Variants in ATP8B1 observed in about 807,000 individuals in gnomAD.
ATP8B1 encodes the protein phospholipid-transporting ATPase IC.
In ATP8B1, 80 loss-of-function variants were observed where a neutral mutation model predicts 149.9. The ratio of observed to expected loss-of-function variants is 0.53; its 90% CI spans 0.45 to 0.64. ATP8B1 has a LOEUF of 0.64. ATP8B1 is among the 30% of genes least tolerant of loss of function. The pLI is 0.00. For missense variants in ATP8B1, 1,247 were observed against 1,552.6 expected (o/e 0.80, Z 3.31); for synonymous variants, 536 against 562.8 (o/e 0.95, Z 0.67).
chr18:57,679,090 G>C (rs1215081916), intron 15 of ATP8B1, among the ~76,000 whole-genome samples: 5 of 150,550 alleles, frequency 3.3e-5, no homozygotes, highest in Admixed American at 6.6e-5. Context: ...AATTAGCCAG[G>C]CATGGTGGCG....
rs36027330 is a variant in ATP8B1 at position 57,708,157 on chromosome 18, C to CAAAAA, written c.182-1575_182-1571dup. Reference sequence around the variant, plus strand: ...TGGGCGACAGACGGAAACTCTGTCTCAAAAAAAAAAAAAAAAAAAAAAAGT... The same window carrying CAAAAA: ...TGGGCGACAGACGGAAACTCTGTCTCAAAAAAAAAAAAAAAAAAAAAAAAAAAAGT... On this transcript the variant is annotated intron_variant, in intron 2 of 27. Transcript: ENST00000648908. Among the ~76,000 whole-genome samples the CAAAAA allele has an allele frequency of 1.7e-3, 112 of 67,022 alleles. 1 individual carries two copies. Among genetic ancestry groups the CAAAAA allele is most frequent in the Non-Finnish European group, 2.5e-3 (87 of 35,440 alleles). The allele number at this position is 67,022 out of a possible 152,430, so 44.0% of individuals were successfully genotyped here.
chr18:57,714,049 G>T (rs140328265), intron 2 of ATP8B1, among the ~76,000 whole-genome samples: 42 of 152,226 alleles, frequency 2.8e-4, no homozygotes, highest in African/African-American at 1.0e-3. Flanking sequence ...CTTTTTGCCA[G>T]AGGGGAGCTC....
chr18:57,704,971 A>C (rs1913316797), intron 3 of ATP8B1, among the ~76,000 whole-genome samples: 1 of 152,116 alleles, frequency 6.6e-6, no homozygotes, highest in East Asian at 1.9e-4. Flanking sequence ...GTAATCCCAG[A>C]TACTTGGGAG....
intron 1 of ATP8B1, among the ~76,000 whole-genome samples, chr18:57,780,843 C>G (rs116953813): frequency 3.3e-5 from 5 of 152,316 alleles, no homozygotes; most frequent in Admixed American, 6.5e-5. Flanking sequence ...TGCCCCTCGT[C>G]CTGACATAAC....
chr18:57,695,849 A>G (rs959092873), intron 8 of ATP8B1, among the ~76,000 whole-genome samples: 2 of 152,228 alleles, frequency 1.3e-5, no homozygotes, highest in Non-Finnish European at 2.9e-5. Context: ...GTGCTGTTTG[A>G]AAATGTAGTG....
chr18:57,736,453 G>GTTTTTTTTTTTTTTTTTTTTTTTTTTTTT lies in ATP8B1; in HGVS notation c.-25-4622_-25-4621insAAAAAAAAAAAAAAAAAAAAAAAAAAAAA, dbSNP rs71171079. Among the ~76,000 whole-genome samples, 4 of 70,142 alleles carry GTTTTTTTTTTTTTTTTTTTTTTTTTTTTT rather than the reference G, an allele frequency of 5.7e-5. 2 individuals are homozygous for GTTTTTTTTTTTTTTTTTTTTTTTTTTTTT. Among genetic ancestry groups the GTTTTTTTTTTTTTTTTTTTTTTTTTTTTT allele is most frequent in the Non-Finnish European group, 5.3e-5 (2 of 37,394 alleles). 46.0% of individuals were successfully genotyped at this position (70,142 alleles called of 152,430 possible). A position where few individuals can be genotyped will look rare whatever the true frequency, so the allele number is the denominator to read the frequency against. ...TTTCTTCTAGTATAAAGTTTTACTA[G>GTTTTTTTTTTTTTTTTTTTTTTTTTTTTT]TTTTTTTTTTTTTTTTTTTTTTTTG... On this transcript the variant is annotated intron_variant, in intron 1 of 27. Transcript: ENST00000648908.
intron 20 of ATP8B1, among the ~76,000 whole-genome samples, chr18:57,664,457 G>T (rs1237490289): frequency 2.3e-5 from 3 of 131,224 alleles, no homozygotes; most frequent in East Asian, 2.3e-4. Flanking sequence ...AATGAGCCAA[G>T]ATTGCACCAC....
chr18:57,721,550 T>C (rs2123074076), intron 2 of ATP8B1, among the ~76,000 whole-genome samples: 1 of 152,190 alleles, frequency 6.6e-6, no homozygotes, highest in African/African-American at 2.4e-5. Flanking sequence ...GAGCTAACTC[T>C]CCTAAATATA....
intron 19 of ATP8B1, chr18:57,667,603 T>C (rs537497426): frequency 9.9e-6 from 2 of 201,272 alleles, no homozygotes; most frequent in East Asian, 2.4e-4. Context: ...CAAGTGAAAG[T>C]CAAAGTCTAA....
intron 26 of ATP8B1, among the ~76,000 whole-genome samples, chr18:57,651,492 G>A (rs977192627): frequency 6.6e-6 from 1 of 152,066 alleles, no homozygotes; most frequent in African/African-American, 2.4e-5. Context: ...CACGTACAGC[G>A]CTATTGTAAA....
rs137973298 is a variant in ATP8B1 at position 57,731,658 on chromosome 18, T to C, written c.150A>G (p.Glu50=). 2.3e-3 allele frequency: 3,634 copies of C among 1,614,094 alleles called. 8 individuals carry two copies. The highest frequency in any genetic ancestry group is 2.8e-3 in the Non-Finnish European group (3,351 of 1,180,012). Residue 50 remains glutamate, a synonymous_variant, in exon 2 of 28, where the codon GAA becomes GAG. Coordinates refer to ENST00000648908, the MANE Select transcript of ATP8B1 (RefSeq NM_001374385.1). The part of the protein sequence containing the change: ...VEPEQNRVNR[E]AEENREPFRK... ...TGAATGGCTCCCGGTTCTCCTCTGC[T>C]TCCCTGTTGACTCGGTTTTGTTCTG...
At chr18:57,703,845 A>C (rs1461741139) in intron 4 of ATP8B1, among the ~76,000 whole-genome samples, 2 of 152,208 alleles carry the variant, frequency 1.3e-5, no homozygotes, top group Non-Finnish European at 2.9e-5. Flanking sequence ...TTATGACCAA[A>C]ATTTTAATAA....
At chr18:57,719,258 C>T (rs1384486628) in intron 2 of ATP8B1, among the ~76,000 whole-genome samples, 1 of 152,172 alleles carries the variant, frequency 6.6e-6, no homozygotes, top group African/African-American at 2.4e-5. Flanking sequence ...TGGGAGGAGC[C>T]AAGATGGCCG....
chr18:57,661,619 ATGTGTGCG>A (rs1160903476), intron 21 of ATP8B1, among the ~76,000 whole-genome samples, 157 bp from the exon 22 acceptor site: 2 of 146,458 alleles, frequency 1.4e-5, no homozygotes, highest in East Asian at 2.1e-4. Flanking sequence ...ATGTATATAT[ATGTGTGCG>A]TGTGTATGTA....
chr18:57,771,541 A>C (rs2080263317), intron 1 of ATP8B1, among the ~76,000 whole-genome samples: 1 of 152,172 alleles, frequency 6.6e-6, no homozygotes, highest in Non-Finnish European at 1.5e-5. Context: ...GACAAGTTAC[A>C]TTTGGACATC....
intron 8 of ATP8B1, among the ~76,000 whole-genome samples, chr18:57,697,255 T>A (rs571392143): frequency 1.4e-3 from 210 of 152,204 alleles, no homozygotes; most frequent in Non-Finnish European, 2.4e-3. Flanking sequence ...AGAGTGAGAC[T>A]CTGTCTCAAA....
At chr18:57,661,965 G>A (rs943530410) in intron 21 of ATP8B1, among the ~76,000 whole-genome samples, 2 of 151,952 alleles carry the variant, frequency 1.3e-5, no homozygotes, top group African/African-American at 2.4e-5. Flanking sequence ...TGATCTGCCC[G>A]CCTTGGCCTC....
chr18:57,687,006 G>C (rs1032465202), intron 13 of ATP8B1, among the ~76,000 whole-genome samples: 1 of 152,038 alleles, frequency 6.6e-6, no homozygotes, highest in Non-Finnish European at 1.5e-5. Flanking sequence ...ACCATACTCT[G>C]CTAATTTTTA....
intron 2 of ATP8B1, among the ~76,000 whole-genome samples, chr18:57,715,897 A>G (rs986299648): frequency 6.6e-6 from 1 of 152,226 alleles, no homozygotes; most frequent in Non-Finnish European, 1.5e-5. Flanking sequence ...ACCTGAAGGC[A>G]CAAAACTCAC....
Sources: allele counts gnomAD v4.1 joint callset (sites outside exome capture counted in the v4.1 genomes callset), GRCh38; gene constraint gnomAD v4.1.1; transcripts MANE v1.5; gene names NCBI Gene and HGNC (gene_info 2026-07-23, HGNC 2026-07-21).